The following TLN2 variants were observed in gnomAD, a reference collection of about 807,000 sequenced individuals.
TLN2 encodes the protein talin-2.
In TLN2, 118 loss-of-function variants were observed where a neutral mutation model predicts 294.7. The ratio of observed to expected loss-of-function variants is 0.40; its 90% confidence interval spans 0.34 to 0.47. TLN2 has a LOEUF of 0.47. TLN2 is among the 20% of genes least tolerant of loss of function. The probability of loss-of-function intolerance (pLI) is 0.84; values close to 1 mark genes in which losing one functional copy is unlikely to be tolerated. For synonymous variants in TLN2, 1,431 were observed against 1,304.5 expected (o/e 1.10, Z -2.09); for missense variants, 3,083 against 3,282.2 (o/e 0.94, Z 1.48).
chr15:62,738,434 C>T, intron 30 of TLN2, 101 bp downstream of exon 30: 3 of 1,381,174 alleles, frequency 2.2e-6, no homozygotes, highest in Non-Finnish European at 2.8e-6. Context: ...GCAGCTAACC[C>T]TTCCTTTAGG....
intron 52 of TLN2, among the ~76,000 whole-genome samples, chr15:62,815,215 ACACACACACACACACACT>A (rs1311116706): frequency 7.3e-5 from 11 of 150,810 alleles, no homozygotes; most frequent in African/African-American, 2.5e-4. Context: ...ACACACACAC[ACACACACACACACACACT>A]CACTCGCTCT....
chr15:62,812,295 G>A lies in TLN2; in HGVS notation c.6771+2263G>A, dbSNP rs116450398. Reference sequence around the variant, plus strand: ...CCCAGTTCCATTTCTTAGTTGAACCGTATTTTCTCCAGCACCTGTGCAGCA... The same window carrying A: ...CCCAGTTCCATTTCTTAGTTGAACCATATTTTCTCCAGCACCTGTGCAGCA... On this transcript the variant is annotated intron_variant, in intron 52 of 58. Coordinates refer to ENST00000636159, the MANE Select transcript of TLN2 (RefSeq NM_015059.3). 2.1e-3 allele frequency among the ~76,000 whole-genome samples: 319 copies of A among 152,260 alleles called. 3 individuals carry two copies. The highest frequency in any genetic ancestry group is 7.5e-3 in the African/African-American group (312 of 41,548).
intron 52 of TLN2, among the ~76,000 whole-genome samples, chr15:62,815,933 T>G (rs1228004458): frequency 6.6e-6 from 1 of 152,250 alleles, no homozygotes; most frequent in African/African-American, 2.4e-5. Context: ...TTCAGCATTC[T>G]TCATCTTTTG....
At chr15:62,631,153 A>C (rs535018117) in intron 3 of TLN2, among the ~76,000 whole-genome samples, 1 of 152,202 alleles carries the variant, frequency 6.6e-6, no homozygotes, top group Non-Finnish European at 1.5e-5. Flanking sequence ...TGAGTTCCGC[A>C]GCTTCTCATA....
intron 25 of TLN2, among the ~76,000 whole-genome samples, chr15:62,722,075 T>C (rs1034137338): frequency 6.6e-6 from 1 of 152,114 alleles, no homozygotes; most frequent in African/African-American, 2.4e-5. Context: ...CTCTTTGAAA[T>C]CGGTTTTAAA....
chr15:62,436,085 C>A (rs568393735), intron 1 of TLN2, among the ~76,000 whole-genome samples: 1 of 152,192 alleles, frequency 6.6e-6, no homozygotes, highest in Non-Finnish European at 1.5e-5. Flanking sequence ...CACATTTCTC[C>A]GTACTTCCCA....
chr15:62,493,310 G>T (rs969972856), intron 1 of TLN2, among the ~76,000 whole-genome samples: 1 of 152,116 alleles, frequency 6.6e-6, no homozygotes, highest in Non-Finnish European at 1.5e-5. Flanking sequence ...CTGACTACAG[G>T]CCAGCTATGT....
chr15:62,493,959 G>A (rs1199285476), intron 1 of TLN2, among the ~76,000 whole-genome samples: 1 of 152,132 alleles, frequency 6.6e-6, no homozygotes, highest in Non-Finnish European at 1.5e-5. Context: ...TCTCAGGGGA[G>A]GACACTGCTG....
chr15:62,564,938 A>G (rs1425458620), intron 1 of TLN2, among the ~76,000 whole-genome samples: 1 of 148,116 alleles, frequency 6.8e-6, no homozygotes, highest in Non-Finnish European at 1.5e-5. Flanking sequence ...ATATATATAT[A>G]TATACTGCAT....
chr15:62,486,703 A>G (rs1051971473), intron 1 of TLN2, among the ~76,000 whole-genome samples: 1 of 151,910 alleles, frequency 6.6e-6, no homozygotes, highest in African/African-American at 2.4e-5. Flanking sequence ...TGGTTAATGT[A>G]GTGTTGAATT....
intron 25 of TLN2, among the ~76,000 whole-genome samples, chr15:62,721,104 T>C (rs2060120753): frequency 6.6e-6 from 1 of 152,222 alleles, no homozygotes; most frequent in South Asian, 2.1e-4. Context: ...GTTTTCCCTT[T>C]TTCTTTTGTT....
chr15:62,750,516 AGAAG>A, intron 34 of TLN2, 25 bp downstream of exon 34: 1 of 1,592,284 alleles, frequency 6.3e-7, no homozygotes, highest in Non-Finnish European at 8.6e-7. Context: ...GCCGTAAGTC[AGAAG>A]TTAGCATTGC....
intron 12 of TLN2, among the ~76,000 whole-genome samples, chr15:62,691,893 T>C (rs1373245128): frequency 6.6e-6 from 1 of 152,196 alleles, no homozygotes; most frequent in East Asian, 1.9e-4. Flanking sequence ...AGGCTGGTCT[T>C]GAACTCCTGG....
At chr15:62,687,761 A>T (rs1347390282) in intron 12 of TLN2, 1 of 152,190 alleles carries the variant, frequency 6.6e-6, no homozygotes. Flanking sequence ...TTAGTTATCT[A>T]ATTTGACTAT....
chr15:62,656,981 C>T lies in TLN2; in HGVS notation c.661-790C>T, dbSNP rs142410716. Among the ~76,000 whole-genome samples the T allele has an allele frequency of 5.0e-3, 753 of 152,028 alleles. 8 individuals are homozygous for T. Among genetic ancestry groups the T allele is most frequent in the African/African-American group, 0.018 (728 of 41,452 alleles). On this transcript the variant is annotated intron_variant, in intron 8 of 58. Coordinates refer to ENST00000636159, the MANE Select transcript of TLN2 (RefSeq NM_015059.3). ...GTTTCCTGACCCCTGAGTTAGTGGA[C>T]GGAAGGATGGCATGGAAAGAGGGCT...
intron 1 of TLN2, among the ~76,000 whole-genome samples, chr15:62,407,981 C>T (rs946049256): frequency 2.9e-4 from 44 of 151,910 alleles, no homozygotes; most frequent in East Asian, 1.2e-3. Flanking sequence ...CCACTTGAGT[C>T]GGGGGCATTT....
intron 31 of TLN2, chr15:62,740,428 G>C (rs920838125): frequency 9.1e-5 from 53 of 579,758 alleles, no homozygotes; most frequent in Non-Finnish European, 1.5e-4. Context: ...CCTGTGGCAT[G>C]CATCTTGATC....
At chr15:62,808,293 TTC>T (rs1472964180) in intron 51 of TLN2, among the ~76,000 whole-genome samples, 20 of 152,344 alleles carry the variant, frequency 1.3e-4, no homozygotes, top group African/African-American at 4.6e-4. Context: ...ATAAAGCTAT[TTC>T]TGTGTTGCTA....
At chr15:62,785,576 C>T (rs1039297189) in intron 45 of TLN2, among the ~76,000 whole-genome samples, 3 of 142,526 alleles carry the variant, frequency 2.1e-5, no homozygotes, top group East Asian at 2.1e-4. Flanking sequence ...TGCTTGAACC[C>T]GGGAGGTGGA....
Sources: gnomAD v4.1 joint callset for allele counts (sites outside exome capture counted in the v4.1 genomes callset) on GRCh38, gnomAD v4.1.1 for gene constraint, MANE v1.5 for transcripts, NCBI Gene and HGNC (gene_info 2026-07-23, HGNC 2026-07-21) for gene names.